Variants in PLXDC2 observed in about 807,000 individuals in gnomAD.
The protein encoded by PLXDC2 is plexin domain containing 2, also known as plexin domain-containing protein 2.
In PLXDC2, 40 loss-of-function variants were observed where a neutral mutation model predicts 68.9. The observed-to-expected ratio is 0.58, with a 90% CI of 0.45 to 0.76. The LOEUF is 0.76. Ranked by LOEUF, PLXDC2 falls within the 30% of genes least tolerant of loss-of-function variation. PLXDC2 has a pLI of 0.00. For synonymous variants in PLXDC2, 243 were observed against 234.2 expected (o/e 1.04, Z -0.34); for missense variants, 644 against 661.9 (o/e 0.97, Z 0.30).
chr10:20,177,554 C>G (rs1834544109), intron 9 of PLXDC2, 145 bp downstream of exon 9: 1 of 312,572 alleles, frequency 3.2e-6, no homozygotes, highest in Admixed American at 5.1e-5. Flanking sequence ...TGCTTGAACC[C>G]AGGAGTTCAA....
chr10:20,212,662 A>C (rs1210732176), intron 10 of PLXDC2, among the ~76,000 whole-genome samples: 3 of 152,158 alleles, frequency 2.0e-5, no homozygotes, highest in South Asian at 2.1e-4. Flanking sequence ...CTTTTTAAAA[A>C]TTCATTTTTG....
chr10:20,057,365 T>A (rs907464482), intron 3 of PLXDC2, among the ~76,000 whole-genome samples: 3 of 152,204 alleles, frequency 2.0e-5, no homozygotes, highest in Admixed American at 1.3e-4. Context: ...TATTTCAGTA[T>A]ATTTTAACAA....
At chr10:19,914,134 G>A (rs1036128546) in intron 1 of PLXDC2, among the ~76,000 whole-genome samples, 7 of 151,240 alleles carry the variant, frequency 4.6e-5, no homozygotes, top group African/African-American at 1.7e-4. Context: ...AGGGAGGAAG[G>A]AAAGAAGGAA....
At chr10:20,065,481 G>T (rs935344395) in intron 3 of PLXDC2, among the ~76,000 whole-genome samples, 1 of 152,164 alleles carries the variant, frequency 6.6e-6, no homozygotes, top group African/African-American at 2.4e-5. Flanking sequence ...ATGAAAGGTG[G>T]TTTTTCCACA....
At chr10:20,068,109 T>G in intron 3 of PLXDC2, 61 bp from the exon 4 acceptor site, 1 of 1,404,692 alleles carries the variant, frequency 7.1e-7, no homozygotes, top group South Asian at 1.2e-5. Flanking sequence ...GAAAGGCTCT[T>G]CATTTCACAT....
intron 1 of PLXDC2, among the ~76,000 whole-genome samples, chr10:19,926,866 A>C (rs966631270): frequency 6.6e-6 from 1 of 152,192 alleles, no homozygotes; most frequent in Non-Finnish European, 1.5e-5. Context: ...TGATCATTGC[A>C]TCTTTTATTA....
intron 1 of PLXDC2, among the ~76,000 whole-genome samples, chr10:19,953,159 T>A (rs941091281): frequency 1.3e-5 from 2 of 152,242 alleles, no homozygotes; most frequent in Non-Finnish European, 2.9e-5. Flanking sequence ...TACATTTTTT[T>A]AGAAACAAAT....
intron 1 of PLXDC2, among the ~76,000 whole-genome samples, chr10:19,888,131 C>G (rs925794276): frequency 3.3e-5 from 5 of 152,190 alleles, no homozygotes; most frequent in Non-Finnish European, 7.4e-5. Flanking sequence ...GAAGAGCTTT[C>G]CTTTCCTACC....
chr10:20,069,052 G>C (rs1033891124), intron 4 of PLXDC2, among the ~76,000 whole-genome samples: 4 of 152,172 alleles, frequency 2.6e-5, no homozygotes, highest in African/African-American at 9.7e-5. Flanking sequence ...GGTGTACAAA[G>C]AGGCTGTGAG....
intron 3 of PLXDC2, among the ~76,000 whole-genome samples, chr10:20,055,406 A>G: frequency 6.6e-6 from 1 of 152,110 alleles, no homozygotes; most frequent in South Asian, 2.1e-4. Context: ...TATTGGATAT[A>G]TTTATTTTTT....
At chr10:20,210,443 T>C (rs1312372166) in intron 9 of PLXDC2, among the ~76,000 whole-genome samples, 1 of 152,190 alleles carries the variant, frequency 6.6e-6, no homozygotes, top group Non-Finnish European at 1.5e-5. Flanking sequence ...CTCTGGATAG[T>C]AATTTCTGGG....
intron 4 of PLXDC2, among the ~76,000 whole-genome samples, chr10:20,100,424 A>G (rs1327272628): frequency 6.6e-6 from 1 of 152,232 alleles, no homozygotes; most frequent in Non-Finnish European, 1.5e-5. Flanking sequence ...ATAACATGGA[A>G]GTGATGTGAT....
At chr10:20,026,228 T>G (rs1211595185) in intron 2 of PLXDC2, among the ~76,000 whole-genome samples, 12 of 151,150 alleles carry the variant, frequency 7.9e-5, no homozygotes, top group African/African-American at 2.4e-4. Flanking sequence ...GAGACTATGG[T>G]TTTTTTTTTA....
intron 2 of PLXDC2, among the ~76,000 whole-genome samples, chr10:20,041,917 T>G (rs1002708824): frequency 2.0e-5 from 3 of 152,174 alleles, no homozygotes; most frequent in African/African-American, 7.2e-5. Flanking sequence ...CTAATCCTAT[T>G]GAATAAGGAC....
Position 20,123,764 on chromosome 10 carries a change from C to T in PLXDC2, c.542-19531C>T, listed in dbSNP as rs552384826. On this transcript the variant is annotated intron_variant, in intron 4 of 13. Coordinates refer to ENST00000377252, the MANE Select transcript of PLXDC2 (RefSeq NM_032812.9). ...GGCACAGAGATACGAGGTCAGGGCA[C>T]GGAAATAAGGGATTGGGGCACAGAG... 5.2e-4 allele frequency among the ~76,000 whole-genome samples: 78 copies of T among 149,980 alleles called. No homozygotes were observed. In the South Asian group the frequency reaches 8.6e-3, roughly 17 times the overall value.
chr10:20,031,917 T>G (rs1032132222), intron 2 of PLXDC2, among the ~76,000 whole-genome samples: 5 of 152,020 alleles, frequency 3.3e-5, no homozygotes, highest in African/African-American at 1.2e-4. Context: ...CCTCCCAAGT[T>G]CAAGAGATTC....
chr10:20,066,003 G>A (rs1836203596), intron 3 of PLXDC2, among the ~76,000 whole-genome samples: 1 of 152,238 alleles, frequency 6.6e-6, no homozygotes, highest in East Asian at 1.9e-4. Context: ...GGAAGTTATT[G>A]CAATGATAGT....
At chr10:19,947,334 G>T (rs1241980645) in intron 1 of PLXDC2, among the ~76,000 whole-genome samples, 1 of 152,110 alleles carries the variant, frequency 6.6e-6, no homozygotes, top group Non-Finnish European at 1.5e-5. Context: ...AGCAGCAATG[G>T]GAAACACGCC....
chr10:20,029,921 A>G (rs1413998642), intron 2 of PLXDC2, among the ~76,000 whole-genome samples: 1 of 152,202 alleles, frequency 6.6e-6, no homozygotes, highest in Non-Finnish European at 1.5e-5. Context: ...GTTGGCAACA[A>G]GGTTTTCCCT....
Sources: allele counts gnomAD v4.1 joint callset (sites outside exome capture counted in the v4.1 genomes callset), GRCh38; gene constraint gnomAD v4.1.1; transcripts MANE v1.5; gene names NCBI Gene and HGNC (gene_info 2026-07-23, HGNC 2026-07-21).